Variants in RIPOR2 observed in about 807,000 individuals in gnomAD.
RIPOR2 encodes the protein rho family-interacting cell polarization regulator 2.
In RIPOR2, 39 loss-of-function variants were observed where a neutral mutation model predicts 114.5. The observed-to-expected ratio is 0.34, with a 90% CI of 0.26 to 0.44. RIPOR2 has a LOEUF of 0.44. Ranked by LOEUF, RIPOR2 falls within the 20% of genes least tolerant of loss-of-function variation. The pLI, the probability that RIPOR2 is intolerant of heterozygous loss-of-function variation, is 1.00. For synonymous variants in RIPOR2, 445 were observed against 484.4 expected (o/e 0.92, Z 1.07); for missense variants, 1,007 against 1,255.1 (o/e 0.80, Z 2.99).
rs892182801 is a variant in RIPOR2, at chr6:24,883,818, C to T, written c.62-8001G>A. 6.6e-6 allele frequency among the ~76,000 whole-genome samples: 1 copy of T among 152,188 alleles called. No homozygotes were observed. The highest frequency in any genetic ancestry group is 1.5e-5 in the Non-Finnish European group (1 of 68,014). Reference sequence around the variant, plus strand: ...CCTGCCCTCACTGCACTTTCTGAGTCATTTCTTCATGCCCGATTTGGGTTC... The same window carrying T: ...CCTGCCCTCACTGCACTTTCTGAGTTATTTCTTCATGCCCGATTTGGGTTC... On this transcript the variant is annotated intron_variant, in intron 1 of 21. Transcript: ENST00000643898. The surrounding 1 kb of genome is among the most constrained non-coding windows in gnomAD (Gnocchi z 4.1).
intron 8 of RIPOR2, among the ~76,000 whole-genome samples, chr6:24,855,388 A>G (rs994126158): frequency 4.6e-5 from 7 of 151,392 alleles, no homozygotes; most frequent in Non-Finnish European, 1.0e-4. Flanking sequence ...TTTTTGTTAT[A>G]TTTCTCAATG....
At chr6:24,950,261 C>T (rs1184778160) in intron 1 of RIPOR2, among the ~76,000 whole-genome samples, 3 of 152,182 alleles carry the variant, frequency 2.0e-5, no homozygotes, top group Non-Finnish European at 2.9e-5. Flanking sequence ...ATAATCCTGT[C>T]AAGTACTTGC....
chr6:24,830,880 T>C (rs1235967173), intron 16 of RIPOR2, among the ~76,000 whole-genome samples: 2 of 152,084 alleles, frequency 1.3e-5, no homozygotes, highest in African/African-American at 4.8e-5. Flanking sequence ...CACACCTGGC[T>C]AATTTTTGTA....
intron 1 of RIPOR2, among the ~76,000 whole-genome samples, chr6:24,996,975 T>G (rs1271496751): frequency 6.6e-6 from 1 of 152,164 alleles, no homozygotes. Flanking sequence ...TTGGAATGGG[T>G]TTTCCTTAGG....
At position 25,004,986 on chromosome 6, in the gene RIPOR2, TACACACACACACACAC is replaced by T. The variant is rs58120451; in HGVS notation, c.76+36849_76+36864del. Reference sequence around the variant, plus strand: ...GTACCCCAAATGTATTCAAATAGGCTACACACACACACACACACACACACACACACACACACACACA... The same window carrying T: ...GTACCCCAAATGTATTCAAATAGGCTACACACACACACACACACACACACA... On this transcript the variant is annotated intron_variant, in intron 1 of 13. Coordinates refer to the RIPOR2 transcript ENST00000510784. Among the ~76,000 whole-genome samples, 291 of 146,486 alleles carry T rather than the reference TACACACACACACACAC, an allele frequency of 2.0e-3. 1 individual carries two copies. Among genetic ancestry groups the T allele is most frequent in the South Asian group, 0.011 (50 of 4,550 alleles).
At chr6:24,983,499 G>A (rs977905592) in intron 1 of RIPOR2, among the ~76,000 whole-genome samples, 5 of 152,104 alleles carry the variant, frequency 3.3e-5, no homozygotes, top group African/African-American at 1.2e-4. Context: ...GCTTACGCCT[G>A]TAATCTCAGC....
chr6:24,893,961 A>C (rs1423500076), intron 1 of RIPOR2, among the ~76,000 whole-genome samples: 1 of 152,198 alleles, frequency 6.6e-6, no homozygotes, highest in African/African-American at 2.4e-5. Context: ...CAAAAATGAA[A>C]AGATTAAATG....
chr6:24,968,373 G>A (rs931851154), intron 1 of RIPOR2, among the ~76,000 whole-genome samples: 76 of 152,132 alleles, frequency 5.0e-4, no homozygotes, highest in African/African-American at 1.8e-3. Context: ...AAGCACCTTT[G>A]GGGTATTTTC....
At chr6:24,978,711 C>T (rs1164281729) in intron 1 of RIPOR2, among the ~76,000 whole-genome samples, 5 of 152,144 alleles carry the variant, frequency 3.3e-5, no homozygotes, top group African/African-American at 7.2e-5. Context: ...AGTTGTGAGG[C>T]CTTCGGCAGG....
chr6:25,022,030 A>G (rs1776347495), intron 1 of RIPOR2, among the ~76,000 whole-genome samples: 1 of 152,208 alleles, frequency 6.6e-6, no homozygotes, highest in Non-Finnish European at 1.5e-5. Context: ...ATGGTCTGTA[A>G]TTATGTAGAA....
intron 1 of RIPOR2, among the ~76,000 whole-genome samples, chr6:24,916,389 TCTC>T (rs1168581902): frequency 6.6e-6 from 1 of 152,216 alleles, no homozygotes; most frequent in Non-Finnish European, 1.5e-5. Context: ...TTAATACACT[TCTC>T]CTCATTGGTT....
chr6:24,818,566 A>G lies in RIPOR2; in HGVS notation c.2928T>C (p.Ala976=). ...TKTNLQLQKA[A]CLALKILEAT... is the part of the protein sequence containing the mutation. ...CCTCAAGGATTTTCAGAGCCAGGCAAGCTGCTTTCTGGAGCTGGAGGTTTG... is the reference window on the plus strand; with the variant it reads ...CCTCAAGGATTTTCAGAGCCAGGCAGGCTGCTTTCTGGAGCTGGAGGTTTG... Residue 976 remains alanine (A), a synonymous_variant, in exon 20 of 22, where the codon GCT becomes GCC. Coordinates refer to ENST00000643898, the MANE Select transcript of RIPOR2 (RefSeq NM_001286445.3). 6.5e-7 allele frequency: 1 copy of G among 1,549,948 alleles called. No individual in the cohort carries two copies. Among genetic ancestry groups the G allele is most frequent in the Non-Finnish European group, 8.7e-7 (1 of 1,145,750 alleles).
At chr6:24,836,485 C>A (rs774851787) in intron 14 of RIPOR2, among the ~76,000 whole-genome samples, 1 of 152,110 alleles carries the variant, frequency 6.6e-6, no homozygotes, top group Non-Finnish European at 1.5e-5. Context: ...ATGGTAGGCA[C>A]CTACATTTAA....
chr6:24,852,967 A>G (rs1397455144), intron 8 of RIPOR2, among the ~76,000 whole-genome samples: 1 of 152,148 alleles, frequency 6.6e-6, no homozygotes, highest in Non-Finnish European at 1.5e-5. Context: ...TTTATCCAAC[A>G]TATTCCCATG....
At chr6:24,871,543 G>C (rs1444151269) in intron 4 of RIPOR2, among the ~76,000 whole-genome samples, 1 of 152,020 alleles carries the variant, frequency 6.6e-6, no homozygotes, top group Non-Finnish European at 1.5e-5. Flanking sequence ...GTAGAGACAG[G>C]GTCTCGCCAC....
chr6:25,027,801 A>C (rs968943978), intron 1 of RIPOR2, among the ~76,000 whole-genome samples: 1 of 152,200 alleles, frequency 6.6e-6, no homozygotes, highest in African/African-American at 2.4e-5. Flanking sequence ...CGACTGAACA[A>C]GAGGGAAGAG....
At chr6:25,010,483 C>A (rs969269363) in intron 1 of RIPOR2, among the ~76,000 whole-genome samples, 3 of 152,198 alleles carry the variant, frequency 2.0e-5, no homozygotes, top group Admixed American at 1.3e-4. Flanking sequence ...CTTTACTTGA[C>A]AGATTACACA....
chr6:24,852,028 C>CGG (rs796795444), intron 9 of RIPOR2, among the ~76,000 whole-genome samples: 16 of 9,186 alleles, frequency 1.7e-3, no homozygotes, highest in Middle Eastern at 0.038. Flanking sequence ...GAAGGGTGGG[C>CGG]GGGGGGGAAT....
chr6:25,005,696 T>TAGATAG (rs1254461417), intron 1 of RIPOR2, among the ~76,000 whole-genome samples: 17 of 10,814 alleles, frequency 1.6e-3, no homozygotes, highest in Admixed American at 0.011. Context: ...CCTATGGAGA[T>TAGATAG]ATATATATAT....
Sources: gnomAD v4.1 joint callset for allele counts (sites outside exome capture counted in the v4.1 genomes callset) on GRCh38, gnomAD v4.1.1 for gene constraint, Gnocchi (gnomAD v3.1) non-coding constraint, MANE v1.5 for transcripts, NCBI Gene and HGNC (gene_info 2026-07-23, HGNC 2026-07-21) for gene names.